The following PTPRD variants were observed in gnomAD, a reference collection of about 807,000 sequenced individuals.
PTPRD encodes receptor-type tyrosine-protein phosphatase delta.
PTPRD carries 34 observed loss-of-function variants against 214.5 expected under a neutral mutation model. The observed-to-expected ratio is 0.16, with a 90% CI of 0.12 to 0.21. The LOEUF (loss-of-function observed/expected upper bound fraction) is 0.21. PTPRD is among the 10% of genes least tolerant of loss of function. The pLI, the probability that PTPRD is intolerant of heterozygous loss-of-function variation, is 1.00. For synonymous variants in PTPRD, 1,128 were observed against 845.7 expected, an observed-to-expected ratio of 1.33 and a Z score of -5.79; for missense variants, 2,545 against 2,398.7, an observed-to-expected ratio of 1.06 and a Z score of -1.27.
intron 14 of PTPRD, among the ~76,000 whole-genome samples, chr9:8,564,348 A>C (rs2087936215): frequency 6.6e-6 from 1 of 152,170 alleles, no homozygotes; most frequent in Non-Finnish European, 1.5e-5. Context: ...ATCATGATGC[A>C]TCTGTATACA....
At chr9:10,200,929 C>T (rs923578182) in intron 3 of PTPRD, among the ~76,000 whole-genome samples, 1 of 151,974 alleles carries the variant, frequency 6.6e-6, no homozygotes, top group African/African-American at 2.4e-5. Flanking sequence ...AACAAGTTTG[C>T]ATTTATTAAT....
intron 2 of PTPRD, among the ~76,000 whole-genome samples, chr9:10,378,881 T>C (rs1437598170): frequency 2.0e-5 from 3 of 151,970 alleles, no homozygotes; most frequent in African/African-American, 4.8e-5. Context: ...ATAGGGATTG[T>C]ATTGAATCTG....
At chr9:8,608,107 C>T (rs1325913837) in intron 14 of PTPRD, among the ~76,000 whole-genome samples, 1 of 145,272 alleles carries the variant, frequency 6.9e-6, no homozygotes, top group African/African-American at 2.7e-5. Flanking sequence ...GAATAGGACA[C>T]AGTATTTCTA....
rs78317359 is a variant in PTPRD at position 9,018,136 on chromosome 9, T to C, written c.-104+561A>G. The stretch of plus-strand genomic sequence containing the variant: ...TTTGACTGCACTTCACACTTTCTCT[T>C]TCCCAATCCATTAACTGAAGATTCC... On this transcript the variant is annotated intron_variant, in intron 11 of 45. Coordinates refer to ENST00000381196, the MANE Select transcript of PTPRD (RefSeq NM_002839.4). Among the ~76,000 whole-genome samples the C allele has an allele frequency of 3.6e-3, 541 of 152,250 alleles. 5 individuals carry two copies. The highest frequency in any genetic ancestry group is 0.012 in the African/African-American group (510 of 41,560).
At chr9:9,490,218 G>C (rs560036169) in intron 8 of PTPRD, among the ~76,000 whole-genome samples, 1 of 152,174 alleles carries the variant, frequency 6.6e-6, no homozygotes, top group African/African-American at 2.4e-5. Context: ...AGTTGCTGGA[G>C]TTTGTTACCA....
At chr9:8,986,499 T>C (rs994370932) in intron 11 of PTPRD, among the ~76,000 whole-genome samples, 1 of 151,608 alleles carries the variant, frequency 6.6e-6, no homozygotes, top group Non-Finnish European at 1.5e-5. Context: ...CATAAATAGT[T>C]TAGTATCTTT....
At chr9:9,091,280 T>A (rs1433361807) in intron 10 of PTPRD, 27 of 1,176,850 alleles carry the variant, frequency 2.3e-5, no homozygotes, top group Non-Finnish European at 2.6e-5. Flanking sequence ...GACAGGCTAT[T>A]CTCTGGAGAA....
intron 2 of PTPRD, among the ~76,000 whole-genome samples, chr9:10,522,018 G>T (rs2052493846): frequency 6.6e-6 from 1 of 152,086 alleles, no homozygotes; most frequent in Non-Finnish European, 1.5e-5. Flanking sequence ...TTAGGGAAGG[G>T]ATGTATACAT....
chr9:10,185,487 TC>T (rs2099326084), intron 3 of PTPRD, among the ~76,000 whole-genome samples: 2 of 152,170 alleles, frequency 1.3e-5, no homozygotes, highest in South Asian at 4.1e-4. Context: ...TCTAGGCACT[TC>T]ACATATATTA....
At chr9:9,732,553 G>A (rs75842889) in intron 7 of PTPRD, among the ~76,000 whole-genome samples, 5 of 152,108 alleles carry the variant, frequency 3.3e-5, no homozygotes, top group African/African-American at 1.2e-4. Context: ...GGAGGGTCCA[G>A]ATCCAACTTT....
At chr9:8,541,941 A>C (rs2078546267) in intron 14 of PTPRD, among the ~76,000 whole-genome samples, 1 of 152,122 alleles carries the variant, frequency 6.6e-6, no homozygotes, top group Non-Finnish European at 1.5e-5. Flanking sequence ...AACCCAATCA[A>C]AGTAAAACTG....
chr9:9,901,041 T>C (rs2076278889), intron 5 of PTPRD, among the ~76,000 whole-genome samples: 2 of 152,154 alleles, frequency 1.3e-5, no homozygotes, highest in African/African-American at 4.8e-5. Context: ...CTGCAGGCTG[T>C]ACAACAATGG....
At chr9:9,947,354 T>TAATATATATTA (rs1199627448) in intron 4 of PTPRD, among the ~76,000 whole-genome samples, 1 of 56,066 alleles carries the variant, frequency 1.8e-5, no homozygotes, top group East Asian at 1.1e-3. Context: ...ATAATATATA[T>TAATATATATTA]TATATATATT....
rs138127948 is a variant in PTPRD, at chr9:8,733,795, G to A, written c.49C>T (p.Arg17Cys). The A allele has an allele frequency of 1.8e-5, 28 of 1,552,892 alleles. No individual in the cohort carries two copies. The highest frequency in any genetic ancestry group is 9.6e-5 in the African/African-American group (7 of 73,150). ...AATGGCTTACTCTCAGCATCCGTGCGGAGGAAGAAAGTGAGGAGCAGCAGC... is the reference window on the plus strand; with the variant it reads ...AATGGCTTACTCTCAGCATCCGTGCAGAGGAAGAAAGTGAGGAGCAGCAGC... The part of the protein sequence containing the change: ...LLLLLLTFFL[R>C]TDAETPPRFT... Residue 17 changes from arginine to cysteine, a missense_variant, in exon 12 of 46, where the codon CGC (arginine) becomes TGC (cysteine). Transcript: ENST00000381196.
At chr9:9,081,663 A>T (rs986943768) in intron 10 of PTPRD, among the ~76,000 whole-genome samples, 12 of 152,026 alleles carry the variant, frequency 7.9e-5, no homozygotes, top group Non-Finnish European at 1.5e-4. Context: ...AACTTGCTTT[A>T]TGAATCTGGG....
intron 8 of PTPRD, among the ~76,000 whole-genome samples, chr9:9,474,115 A>AT (rs1209262663): frequency 3.9e-5 from 6 of 151,942 alleles, no homozygotes; most frequent in Non-Finnish European, 8.8e-5. Flanking sequence ...GTCTTTATGC[A>AT]TTTTCAGTTG....
At chr9:9,090,737 C>T (rs2099774284) in intron 10 of PTPRD, among the ~76,000 whole-genome samples, 1 of 152,148 alleles carries the variant, frequency 6.6e-6, no homozygotes, top group Admixed American at 6.6e-5. Flanking sequence ...AGACAATGTC[C>T]TTACTCAAAA....
chr9:10,346,788 G>A (rs372817287), intron 2 of PTPRD, among the ~76,000 whole-genome samples: 2 of 152,134 alleles, frequency 1.3e-5, no homozygotes, highest in African/African-American at 2.4e-5. Flanking sequence ...GTTTGCACAG[G>A]TGTGGGTCTG....
At chr9:8,877,602 T>C (rs2098405354) in intron 11 of PTPRD, among the ~76,000 whole-genome samples, 1 of 152,236 alleles carries the variant, frequency 6.6e-6, no homozygotes, top group Non-Finnish European at 1.5e-5. Context: ...TAAAAGTTCA[T>C]ATTTGCTTCT....
Sources: allele counts gnomAD v4.1 joint callset (sites outside exome capture counted in the v4.1 genomes callset), GRCh38; gene constraint gnomAD v4.1.1; transcripts MANE v1.5; gene names NCBI Gene and HGNC (gene_info 2026-07-23, HGNC 2026-07-21).